Variants in PLEKHM1 observed in about 807,000 individuals in gnomAD.
The protein encoded by PLEKHM1 is pleckstrin homology domain-containing family M member 1.
Under a neutral mutation model 94.3 loss-of-function variants are expected in PLEKHM1, and 28 were observed. The observed-to-expected ratio is 0.30, with a 90% CI of 0.22 to 0.41. The LOEUF is 0.41. PLEKHM1 is among the 10% of genes least tolerant of loss of function. The pLI, the probability that PLEKHM1 is intolerant of heterozygous loss-of-function variation, is 1.00. For synonymous variants in PLEKHM1, 424 were observed against 581.2 expected (o/e 0.73, Z 3.89); for missense variants, 907 against 1,358.6 (o/e 0.67, Z 5.22).
chr17:45,460,732 T>G (rs991586447), intron 5 of PLEKHM1, among the ~76,000 whole-genome samples: 6 of 152,062 alleles, frequency 3.9e-5, no homozygotes, highest in African/African-American at 1.2e-4. Context: ...AAATTTTTTA[T>G]ATTTTTAGTA....
At chr17:45,477,009 G>A (rs1354892888) in intron 3 of PLEKHM1, 4 of 152,214 alleles carry the variant, frequency 2.6e-5, no homozygotes, top group African/African-American at 9.6e-5. Flanking sequence ...CAATCTGCAT[G>A]GAAAGGAAGA....
rs1359305301 is a variant in PLEKHM1 at position 45,454,275 on chromosome 17, G to T, written c.1580-3C>A. ...ACCCCGGAATGGGTTGGACAGTCCT[G>T]GAGGCAGAGGCAAAAAGGGGCACAT... is the stretch of plus-strand genomic sequence containing the variant. On this transcript the variant is annotated splice_region_variant and splice_polypyrimidine_tract_variant and intron_variant, in intron 6 of 11. Transcript: ENST00000430334. 2 of 1,597,576 alleles carry T rather than the reference G, an allele frequency of 1.3e-6. No homozygotes were observed. Among genetic ancestry groups the T allele is most frequent in the Admixed American group, 1.7e-5 (1 of 57,696 alleles).
chr17:45,440,086 C>T (rs1159605186), intron 10 of PLEKHM1, 77 bp downstream of exon 10: 2 of 1,340,600 alleles, frequency 1.5e-6, no homozygotes, highest in Non-Finnish European at 2.1e-6. Context: ...GACACCCCCT[C>T]TTCCATCTTC....
rs1173110146 is a variant in PLEKHM1, at chr17:45,453,733, A to T, written c.2119T>A (p.Leu707Met). The change falls in exon 7 of 12, where the codon TTG becomes ATG. Residue 707 changes from leucine to methionine, a missense_variant. Physicochemically the swap from Leu to Met is conservative, Grantham distance 15 (BLOSUM62 2). Coordinates refer to ENST00000430334, the MANE Select transcript of PLEKHM1 (RefSeq NM_014798.3). This position sits in a 1 kb window ranked among gnomAD's most constrained non-coding sequence, Gnocchi z 4.1. ...TWMPYIFSLS[L>M]EALKCFRIRN... ...ATGCGGAAACATTTCAGAGCCTCCA[A>T]GGACAGAGAAAATATATAGGGCATC... The T allele has an allele frequency of 6.2e-7, 1 of 1,613,818 alleles. No homozygotes were observed.
Position 45,479,935 on chromosome 17 carries a change from G to T in PLEKHM1, c.49-1788C>A, listed in dbSNP as rs960087979. Among the ~76,000 whole-genome samples, 111 of 152,308 alleles carry T rather than the reference G, an allele frequency of 7.3e-4. 1 individual carries two copies. Among genetic ancestry groups the T allele is most frequent in the South Asian group, 6.2e-4 (3 of 4,824 alleles). On this transcript the variant is annotated intron_variant, in intron 2 of 11. Transcript: ENST00000430334. ...AAAATCACATAAGTGATTGGAAAAG[G>T]ACTGGAAGGGATTACAGAAAAACTG...
intron 6 of PLEKHM1, chr17:45,456,140 A>T (rs947239734): frequency 2.0e-5 from 3 of 152,214 alleles, no homozygotes; most frequent in Non-Finnish European, 4.4e-5. Flanking sequence ...TTTTCTGGCC[A>T]TCCTATATGC....
chr17:45,439,124 A>G (rs1171754714), intron 11 of PLEKHM1, among the ~76,000 whole-genome samples: 2 of 152,242 alleles, frequency 1.3e-5, no homozygotes, highest in Non-Finnish European at 2.9e-5. Flanking sequence ...TCATGCCAAC[A>G]GTGCAGGGTG....
At chr17:45,471,623 GCAGGCCCCTATAATCC>G (rs1270133329) in intron 4 of PLEKHM1, among the ~76,000 whole-genome samples, 2 of 152,050 alleles carry the variant, frequency 1.3e-5, no homozygotes, top group East Asian at 3.8e-4. Context: ...GGGTGTGGTG[GCAGGCCCCTATAATCC>G]CAGCTACTCG....
chr17:45,469,065 G>A (rs1276973902), intron 4 of PLEKHM1, among the ~76,000 whole-genome samples: 1 of 149,452 alleles, frequency 6.7e-6, no homozygotes, highest in East Asian at 1.9e-4. Context: ...GGCTAGGCAG[G>A]TTTCCTAAGC....
rs2050562419 is a variant in PLEKHM1 at position 45,445,103 on chromosome 17, TCTCAGTC to T, written c.2837+360_2837+366del. On this transcript the variant is annotated intron_variant, in intron 9 of 11. Coordinates refer to ENST00000430334, the MANE Select transcript of PLEKHM1 (RefSeq NM_014798.3). This position sits in a 1 kb window ranked among gnomAD's most constrained non-coding sequence, Gnocchi z 4.2. ...GCCAGGTGTGCAGTGCTTAGTATGT[TCTCAGTC>T]CATGTTTTTGAGTGAACAAATAGAT... Among the ~76,000 whole-genome samples, 1 of 152,240 alleles carries T rather than the reference TCTCAGTC, an allele frequency of 6.6e-6. No individual in the cohort carries two copies. The highest frequency in any genetic ancestry group is 2.1e-4 in the South Asian group (1 of 4,834).
rs10221250 is a variant in PLEKHM1 at position 45,445,446 on chromosome 17, C to T, written c.2837+24G>A. On this transcript the variant is annotated intron_variant, in intron 9 of 11. Coordinates refer to ENST00000430334, the MANE Select transcript of PLEKHM1 (RefSeq NM_014798.3). The surrounding 1 kb of genome is among the most constrained non-coding windows in gnomAD (Gnocchi z 4.2). ...ATGTGCGTGTGTACGTGCACTCACA[C>T]GCATACACGTAGAGGTTGCTCACCT... 6.5e-3 allele frequency: 10,347 copies of T among 1,598,340 alleles called. 438 individuals are homozygous for T. The African/African-American group carries it at 0.12, about 19-fold the overall frequency.
chr17:45,463,633 T>A (rs2051224444), intron 5 of PLEKHM1: 1 of 152,284 alleles, frequency 6.6e-6, no homozygotes, highest in Non-Finnish European at 1.5e-5. Flanking sequence ...CTTCAGGTGA[T>A]CCACCTGCCT....
chr17:45,473,471 ATCT>A (rs1370531004), intron 4 of PLEKHM1, among the ~76,000 whole-genome samples: 1 of 152,230 alleles, frequency 6.6e-6, no homozygotes, highest in Non-Finnish European at 1.5e-5. Flanking sequence ...AAATGAAAAG[ATCT>A]TCTCCAAAAC....
intron 1 of PLEKHM1, among the ~76,000 whole-genome samples, chr17:45,486,684 A>G (rs1175118653): frequency 6.6e-6 from 1 of 152,194 alleles, no homozygotes; most frequent in African/African-American, 2.4e-5. Context: ...GACTGACAAG[A>G]GCTCAGAGAA....
intron 4 of PLEKHM1, 125 bp downstream of exon 4, chr17:45,474,975 G>A: frequency 1.0e-6 from 1 of 982,232 alleles, no homozygotes; most frequent in Non-Finnish European, 1.6e-6. Context: ...TGACTCCCTT[G>A]GCTTTCTTTA....
Position 45,468,303 on chromosome 17 carries a change from G to T in PLEKHM1, c.1214C>A (p.Thr405Lys), listed in dbSNP as rs541849226. 6.2e-7 allele frequency: 1 copy of T among 1,613,432 alleles called. No individual in the cohort carries two copies. The highest frequency in any genetic ancestry group is 1.3e-5 in the African/African-American group (1 of 74,930). Reference protein sequence around the residue: ...GQQPSSTVSETAREVGQGNGL... With the variant: ...GQQPSSTVSEKAREVGQGNGL... ...ATTCCCTTGGCCCACTTCTCTGGCTGTCTCGCTGACAGTACTAGAAGGCTG... is the reference window on the plus strand; with the variant it reads ...ATTCCCTTGGCCCACTTCTCTGGCTTTCTCGCTGACAGTACTAGAAGGCTG... Residue 405 changes from threonine (T) to lysine (K), a missense_variant, in exon 5 of 12, where the codon ACA becomes AAA. Around this residue, in one of 3 missense-constraint regions of PLEKHM1, gnomAD observed 477 missense variants for 601.5 expected, o/e 0.79. Coordinates refer to ENST00000430334, the MANE Select transcript of PLEKHM1 (RefSeq NM_014798.3).
In PLEKHM1 at chr17:45,439,988, CG is replaced by C; in HGVS notation, c.2901+174del. The C allele has an allele frequency of 1.3e-5, 9 of 675,156 alleles. No homozygotes were observed. The South Asian group carries it at 1.5e-4, about 11-fold the overall frequency. 41.8% of individuals were successfully genotyped at this position (675,156 alleles called of 1,614,324 possible). ...TTATTCCAGGGGTGCTGGGGGTATC[CG>C]TCCCTGCCCAGGAAGCTGGGGCAGC... On this transcript the variant is annotated intron_variant, in intron 10 of 11. Transcript: ENST00000430334.
In PLEKHM1 at chr17:45,475,260, C is replaced by T. The variant is rs1336172732; in HGVS notation, c.763G>A (p.Asp255Asn). The change falls in exon 4 of 12, where the codon GAC (aspartate) becomes AAC (asparagine). Residue 255 changes from aspartate (D) to asparagine (N), a missense_variant. This residue lies in a region of PLEKHM1 where 477 missense variants were observed against 601.5 expected (regional missense o/e 0.79). Coordinates refer to ENST00000430334, the MANE Select transcript of PLEKHM1 (RefSeq NM_014798.3). ...QKLTASSLSL[D>N]TASSSQLSCS... ...GACAGCTGGGATGAACTGGCCGTGT[C>T]CAGGCTGAGGGAGGAGGCAGTCAGC... 1.2e-6 allele frequency: 2 copies of T among 1,613,872 alleles called. No individual in the cohort carries two copies. Among genetic ancestry groups the T allele is most frequent in the African/African-American group, 2.7e-5 (2 of 74,922 alleles).
Position 45,454,273 on chromosome 17 carries a change from C to G in PLEKHM1, c.1580-1G>C. 6.3e-7 allele frequency: 1 copy of G among 1,599,836 alleles called. No homozygotes were observed. Among genetic ancestry groups the G allele is most frequent in the Non-Finnish European group, 8.5e-7 (1 of 1,173,490 alleles). ...AGACCCCGGAATGGGTTGGACAGTC[C>G]TGGAGGCAGAGGCAAAAAGGGGCAC... On this transcript the variant is annotated splice_acceptor_variant, in intron 6 of 11. Transcript: ENST00000430334. LOFTEE classifies it high-confidence loss of function.
Sources: gnomAD v4.1 joint callset for allele counts (sites outside exome capture counted in the v4.1 genomes callset) on GRCh38, gnomAD v4.1.1 for gene constraint, gnomAD v4.1.1 regional missense constraint, Gnocchi (gnomAD v3.1) non-coding constraint, MANE v1.5 for transcripts, NCBI Gene and HGNC (gene_info 2026-07-23, HGNC 2026-07-21) for gene names.